Variants in CDH13 observed in about 807,000 individuals in gnomAD.
CDH13 encodes cadherin-13.
Under a neutral mutation model 63.8 loss-of-function variants are expected in CDH13, and 24 were observed. The ratio of observed to expected loss-of-function variants is 0.38; its 90% CI spans 0.27 to 0.53. The LOEUF (loss-of-function observed/expected upper bound fraction) is 0.53, where lower values mean the gene tolerates loss of function less well. CDH13 is among the 20% of genes least tolerant of loss of function. The pLI, the probability that CDH13 is intolerant of heterozygous loss-of-function variation, is 0.85. For synonymous variants in CDH13, 503 were observed against 355.3 expected, an observed-to-expected ratio of 1.42 and a Z score of -4.67; for missense variants, 1,049 against 903.1, an observed-to-expected ratio of 1.16 and a Z score of -2.07.
intron 4 of CDH13, among the ~76,000 whole-genome samples, chr16:83,201,869 C>A (rs565415457): frequency 2.0e-5 from 3 of 152,058 alleles, no homozygotes; most frequent in Non-Finnish European, 4.4e-5. Context: ...GAGCTGAGAT[C>A]ACGCAACTGC....
At chr16:83,580,449 TC>T (rs1003972381) in intron 7 of CDH13, among the ~76,000 whole-genome samples, 2 of 2,804 alleles carry the variant, frequency 7.1e-4, no homozygotes, top group Admixed American at 2.7e-3. Context: ...TCTGTTCATT[TC>T]TCTCTCTCTC....
chr16:83,397,864 A>G (rs1417723423), intron 6 of CDH13: 1 of 152,220 alleles, frequency 6.6e-6, no homozygotes, highest in Admixed American at 6.5e-5. Context: ...AACATTTGTT[A>G]TAAATGAAGA....
chr16:83,581,353 AG>A (rs1199664511), intron 7 of CDH13, among the ~76,000 whole-genome samples: 5 of 152,358 alleles, frequency 3.3e-5, no homozygotes, highest in African/African-American at 1.2e-4. Flanking sequence ...GGTGACTTTC[AG>A]TGGTTATTTA....
intron 2 of CDH13, among the ~76,000 whole-genome samples, chr16:82,922,041 CTG>C (rs1438431697): frequency 6.6e-6 from 1 of 152,072 alleles, no homozygotes; most frequent in African/African-American, 2.4e-5. Flanking sequence ...AATAGTCTAA[CTG>C]TTGGCATAAA....
chr16:83,204,034 C>T (rs16959758), intron 4 of CDH13, among the ~76,000 whole-genome samples: 2 of 152,170 alleles, frequency 1.3e-5, no homozygotes, highest in East Asian at 1.9e-4. Flanking sequence ...GAAATCGAGA[C>T]TTTGAAGTCC....
intron 5 of CDH13, among the ~76,000 whole-genome samples, chr16:83,254,592 C>A (rs79531800): frequency 2.6e-5 from 4 of 152,184 alleles, no homozygotes; most frequent in African/African-American, 7.2e-5. Context: ...TTTCTCTGAT[C>A]CTTGTTTTTA....
intron 2 of CDH13, among the ~76,000 whole-genome samples, chr16:82,899,248 G>T (rs1274917801): frequency 6.6e-6 from 1 of 152,160 alleles, no homozygotes; most frequent in African/African-American, 2.4e-5. Context: ...TACAGTAAGG[G>T]CAGTGTCAAA....
chr16:83,058,333 C>A (rs1359838992), intron 3 of CDH13, among the ~76,000 whole-genome samples: 1 of 152,154 alleles, frequency 6.6e-6, no homozygotes, highest in African/African-American at 2.4e-5. Context: ...ACGTTTTGTT[C>A]AAGTGGGGTT....
At chr16:83,009,879 A>G (rs1326680454) in intron 2 of CDH13, among the ~76,000 whole-genome samples, 3 of 152,298 alleles carry the variant, frequency 2.0e-5, no homozygotes, top group African/African-American at 7.2e-5. Context: ...CACGCCTGTA[A>G]TCTCAGCACT....
chr16:82,937,127 C>T (rs2042693288), intron 2 of CDH13, among the ~76,000 whole-genome samples: 1 of 152,160 alleles, frequency 6.6e-6, no homozygotes, highest in Non-Finnish European at 1.5e-5. Context: ...TTAAACTAAA[C>T]CCACAAACGC....
At position 82,798,922 on chromosome 16, in the gene CDH13, TAAAG is replaced by T. The variant is rs559710600; in HGVS notation, c.46-59436_46-59433del. 1.3e-3 allele frequency among the ~76,000 whole-genome samples: 192 copies of T among 152,238 alleles called. 2 individuals carry two copies. The highest frequency in any genetic ancestry group is 2.1e-3 in the Non-Finnish European group (141 of 68,018). ...ACAGGTTTGATTCTCACTTTGCAGA[TAAAG>T]AAACTGAGGCCCAGAAAGGTGCCCA... On this transcript the variant is annotated intron_variant, in intron 1 of 13. Coordinates refer to ENST00000567109, the MANE Select transcript of CDH13 (RefSeq NM_001257.5).
At chr16:83,432,631 C>G (rs1294005429) in intron 6 of CDH13, among the ~76,000 whole-genome samples, 1 of 152,152 alleles carries the variant, frequency 6.6e-6, no homozygotes, top group Non-Finnish European at 1.5e-5. Context: ...CACCACGTGT[C>G]ACTTCACTCT....
At chr16:83,010,160 A>AAAAAAAAAAAAC (rs1913995009) in intron 2 of CDH13, among the ~76,000 whole-genome samples, 1 of 147,604 alleles carries the variant, frequency 6.8e-6, no homozygotes, top group Non-Finnish European at 1.5e-5. Flanking sequence ...AAAAAAAAAA[A>AAAAAAAAAAAAC]AACAAGAATG....
intron 4 of CDH13, 107 bp from the exon 5 acceptor site, chr16:83,217,238 A>G (rs2039563265): frequency 9.4e-7 from 1 of 1,068,064 alleles, no homozygotes; most frequent in African/African-American, 1.5e-5. Context: ...CCAGGTACCC[A>G]TGTGCTGGCA....
chr16:82,883,259 T>C (rs967315180), intron 2 of CDH13, among the ~76,000 whole-genome samples: 2 of 152,224 alleles, frequency 1.3e-5, no homozygotes, highest in Non-Finnish European at 2.9e-5. Flanking sequence ...TCTATTGCTA[T>C]TGTATGTGAA....
intron 2 of CDH13, among the ~76,000 whole-genome samples, chr16:82,883,925 G>T (rs150781791): frequency 1.3e-5 from 2 of 152,218 alleles, no homozygotes; most frequent in African/African-American, 4.8e-5. Context: ...CCAACTTAAT[G>T]CCTGTTCATG....
At chr16:82,775,556 G>A (rs2035455147) in intron 1 of CDH13, among the ~76,000 whole-genome samples, 1 of 152,172 alleles carries the variant, frequency 6.6e-6, no homozygotes, top group South Asian at 2.1e-4. Flanking sequence ...CTATGTCAAT[G>A]CTATGGGAAA....
chr16:83,465,111 A>G (rs901732334), intron 6 of CDH13, among the ~76,000 whole-genome samples: 1 of 152,196 alleles, frequency 6.6e-6, no homozygotes, highest in African/African-American at 2.4e-5. Flanking sequence ...ACATTTGGCA[A>G]AGAGGGTTGC....
chr16:82,970,498 C>G (rs1177406075), intron 2 of CDH13, among the ~76,000 whole-genome samples: 1 of 124,812 alleles, frequency 8.0e-6, no homozygotes, highest in Non-Finnish European at 1.8e-5. Flanking sequence ...TTCCCGGGTT[C>G]ACGCCATTCT....
Sources: allele counts gnomAD v4.1 joint callset (sites outside exome capture counted in the v4.1 genomes callset), GRCh38; gene constraint gnomAD v4.1.1; transcripts MANE v1.5; gene names NCBI Gene and HGNC (gene_info 2026-07-23, HGNC 2026-07-21).